The following SYT1 variants were observed in gnomAD, a reference collection of about 807,000 sequenced individuals.
SYT1 encodes the protein synaptotagmin 1, also known as synaptotagmin-1.
A neutral mutation model predicts 44.8 loss-of-function variants in SYT1; 8 were observed. That is an observed-to-expected ratio of 0.18 (90% CI 0.10 to 0.32). SYT1 has a LOEUF of 0.32. Among genes scored for constraint, SYT1 ranks in the 10% least tolerant of loss-of-function variants. The pLI is 1.00. For synonymous variants in SYT1, 154 were observed against 188.8 expected, an observed-to-expected ratio of 0.82 and a Z score of 1.51; for missense variants, 286 against 509.3, an observed-to-expected ratio of 0.56 and a Z score of 4.22.
At chr12:78,900,742 C>T in intron 1 of SYT1, among the ~76,000 whole-genome samples, 1 of 151,934 alleles carries the variant, frequency 6.6e-6, no homozygotes, top group East Asian at 1.9e-4. Flanking sequence ...TTGTGAACAG[C>T]ATATTGGTAC....
intron 3 of SYT1, among the ~76,000 whole-genome samples, chr12:79,079,409 T>C (rs1321674957): frequency 2.0e-5 from 3 of 152,184 alleles, no homozygotes; most frequent in African/African-American, 7.2e-5. Context: ...GATTGACATG[T>C]ATTTGTGAGA....
intron 7 of SYT1, 88 bp from the exon 8 acceptor site, chr12:79,299,296 G>A (rs909515343): frequency 1.7e-5 from 24 of 1,418,430 alleles, no homozygotes; most frequent in African/African-American, 1.0e-4. Context: ...TTTATGCAAC[G>A]TAAATATTAA....
At chr12:79,126,645 A>AT (rs1478514289) in intron 3 of SYT1, among the ~76,000 whole-genome samples, 3 of 152,208 alleles carry the variant, frequency 2.0e-5, no homozygotes, top group Non-Finnish European at 4.4e-5. Context: ...GCAGTGTCAA[A>AT]TAACCCCATT....
intron 3 of SYT1, among the ~76,000 whole-genome samples, chr12:79,050,763 A>G (rs1360235150): frequency 2.0e-5 from 3 of 152,232 alleles, no homozygotes; most frequent in East Asian, 3.9e-4. Flanking sequence ...GTGGCTCATT[A>G]GAGAATAAAT....
At chr12:79,076,367 A>G (rs1173367412) in intron 3 of SYT1, among the ~76,000 whole-genome samples, 4 of 152,148 alleles carry the variant, frequency 2.6e-5, no homozygotes, top group East Asian at 3.8e-4. Context: ...GCCAAGATAC[A>G]TTATTTTGTG....
chr12:78,992,077 G>A (rs553569051), intron 2 of SYT1, among the ~76,000 whole-genome samples: 50 of 152,188 alleles, frequency 3.3e-4, no homozygotes, highest in African/African-American at 1.1e-3. Context: ...GGTCAGAAAG[G>A]TTCACTTACA....
At chr12:78,931,463 GAAAA>G (rs1461500811) in intron 1 of SYT1, among the ~76,000 whole-genome samples, 2 of 140,028 alleles carry the variant, frequency 1.4e-5, no homozygotes, top group African/African-American at 5.5e-5. Flanking sequence ...GAGAAAGAAA[GAAAA>G]AGAAAGAAAG....
intron 1 of SYT1, among the ~76,000 whole-genome samples, chr12:78,940,504 C>T (rs1878291144): frequency 6.6e-6 from 1 of 152,120 alleles, no homozygotes; most frequent in African/African-American, 2.4e-5. Context: ...ATCCTCCTGC[C>T]TCAGCCTCCT....
chr12:79,323,738 TTAGA>T (rs201930041), intron 8 of SYT1, among the ~76,000 whole-genome samples: 1,585 of 151,978 alleles, frequency 0.01, 27 homozygotes, highest in African/African-American at 0.036. Context: ...TCATGGAATA[TTAGA>T]TAGCCATTAG....
intron 3 of SYT1, among the ~76,000 whole-genome samples, chr12:79,134,174 T>C (rs1386659643): frequency 6.6e-6 from 1 of 152,166 alleles, no homozygotes; most frequent in Non-Finnish European, 1.5e-5. Flanking sequence ...ATGTTGTGTA[T>C]ATGCAAACTG....
At chr12:79,132,674 CAAAAAAAA>C (rs71091641) in intron 3 of SYT1, among the ~76,000 whole-genome samples, 1 of 43,714 alleles carries the variant, frequency 2.3e-5, no homozygotes, top group South Asian at 1.0e-3. Context: ...GGAGTTTTCT[CAAAAAAAA>C]AAAAAAAAAA....
intron 5 of SYT1, among the ~76,000 whole-genome samples, chr12:79,288,396 AT>A: frequency 6.6e-6 from 1 of 152,284 alleles, no homozygotes; most frequent in African/African-American, 2.4e-5. Flanking sequence ...TGTGAGAGGC[AT>A]TTTAGATATA....
At chr12:79,195,876 C>T (rs1873421755) in intron 3 of SYT1, among the ~76,000 whole-genome samples, 1 of 152,150 alleles carries the variant, frequency 6.6e-6, no homozygotes, top group Non-Finnish European at 1.5e-5. Context: ...CTACATGTCG[C>T]ATTTCAACTA....
intron 3 of SYT1, among the ~76,000 whole-genome samples, chr12:79,083,836 A>G (rs1565798392): frequency 6.6e-6 from 1 of 152,296 alleles, no homozygotes; most frequent in South Asian, 2.1e-4. Context: ...GGAGAGAGAG[A>G]ACACTGATGC....
intron 9 of SYT1, among the ~76,000 whole-genome samples, chr12:79,379,306 T>A (rs1206282935): frequency 6.6e-6 from 1 of 152,192 alleles, no homozygotes; most frequent in Non-Finnish European, 1.5e-5. Flanking sequence ...TGAAACCCTG[T>A]CGTTTTTTAA....
At position 79,291,608 on chromosome 12, in the gene SYT1, T is replaced by A. The variant is rs546743895; in HGVS notation, c.352-400T>A. ...TATTCCACTGCATGTAGCGATGATA[T>A]TTTATATGATGCTGAGCATCTCTTT... On this transcript the variant is annotated intron_variant, in intron 5 of 10. Transcript: ENST00000261205. Among the ~76,000 whole-genome samples the A allele has an allele frequency of 2.6e-5, 4 of 152,350 alleles. No individual in the cohort carries two copies. The East Asian group carries it at 5.8e-4, about 22-fold the overall frequency.
intron 6 of SYT1, among the ~76,000 whole-genome samples, chr12:79,293,411 T>TAAAATAAAATAAAATAAAATA (rs1565894734): frequency 7.9e-5 from 5 of 62,994 alleles, no homozygotes; most frequent in African/African-American, 2.2e-4. Context: ...AAAATAAAAT[T>TAAAATAAAATAAAATAAAATA]AAAAAATCTG....
intron 8 of SYT1, among the ~76,000 whole-genome samples, chr12:79,335,916 T>G (rs1043130190): frequency 1.3e-5 from 2 of 152,236 alleles, no homozygotes; most frequent in African/African-American, 4.8e-5. Flanking sequence ...TCCATACTTA[T>G]GTTTCCCTAT....
intron 1 of SYT1, among the ~76,000 whole-genome samples, chr12:78,944,707 G>T (rs1021552340): frequency 6.6e-6 from 1 of 151,900 alleles, no homozygotes; most frequent in African/African-American, 2.4e-5. Flanking sequence ...ACAGAAATAT[G>T]CCTTATTTGT....
Sources: allele counts gnomAD v4.1 joint callset (sites outside exome capture counted in the v4.1 genomes callset), GRCh38; gene constraint gnomAD v4.1.1; transcripts MANE v1.5; gene names NCBI Gene and HGNC (gene_info 2026-07-23, HGNC 2026-07-21).